RSU1: variants seen among roughly 807,000 people sequenced by gnomAD.
RSU1 encodes rsu-1.
A neutral mutation model predicts 31.1 loss-of-function variants in RSU1; 26 were observed. The observed-to-expected ratio is 0.84, with a 90% CI of 0.61 to 1.16. RSU1 has a LOEUF of 1.16. Ranked by LOEUF, RSU1 falls within the 50% of genes most tolerant of loss-of-function variation. The probability of loss-of-function intolerance (pLI) is 0.00; values close to 1 mark genes in which losing one functional copy is unlikely to be tolerated. For missense variants in RSU1, 320 were observed against 339.1 expected, an observed-to-expected ratio of 0.94 and a Z score of 0.44; for synonymous variants, 164 against 136.3, an observed-to-expected ratio of 1.20 and a Z score of -1.41.
At chr10:16,702,637 C>G (rs1351379140) in intron 7 of RSU1, among the ~76,000 whole-genome samples, 1 of 152,182 alleles carries the variant, frequency 6.6e-6, no homozygotes, top group Non-Finnish European at 1.5e-5. Flanking sequence ...CCTACTGGAA[C>G]AGGAGTATTT....
At chr10:16,720,204 G>C (rs1459442407) in intron 7 of RSU1, among the ~76,000 whole-genome samples, 2 of 152,170 alleles carry the variant, frequency 1.3e-5, no homozygotes, top group African/African-American at 4.8e-5. Context: ...AATAAATCTT[G>C]ATGTTCTTTG....
intron 8 of RSU1, among the ~76,000 whole-genome samples, chr10:16,694,477 C>A (rs4748311): frequency 0.3 from 45,363 of 152,024 alleles, 7,003 homozygotes; most frequent in East Asian, 0.43. Flanking sequence ...TAATTTAATA[C>A]CTCAAAAATT....
chr10:16,605,138 G>C (rs1332501944), intron 8 of RSU1, among the ~76,000 whole-genome samples: 1 of 152,058 alleles, frequency 6.6e-6, no homozygotes, highest in East Asian at 1.9e-4. Context: ...CTCCCTCTTA[G>C]GCCTTGTGTT....
chr10:16,695,163 G>C lies in RSU1; in HGVS notation c.599-8C>G, dbSNP rs769882245. Reference sequence around the variant, plus strand: ...CAGTTAAATCCAAGTTTCCTGGGGGGGGGGAAAAAAAAAGTGAAGGTCACT... The same window carrying C: ...CAGTTAAATCCAAGTTTCCTGGGGGCGGGGAAAAAAAAAGTGAAGGTCACT... On this transcript the variant is annotated splice_region_variant and splice_polypyrimidine_tract_variant and intron_variant, in intron 7 of 8. Transcript: ENST00000345264. 1.2e-5 allele frequency: 17 copies of C among 1,472,868 alleles called. 1 individual carries two copies. The highest frequency in any genetic ancestry group is 1.6e-5 in the African/African-American group (1 of 61,618). 91.2% of individuals were successfully genotyped at this position (1,472,868 alleles called of 1,614,324 possible).
At chr10:16,654,708 G>A (rs1029161404) in intron 8 of RSU1, among the ~76,000 whole-genome samples, 4 of 150,906 alleles carry the variant, frequency 2.7e-5, no homozygotes, top group African/African-American at 9.8e-5. Flanking sequence ...AAATGATTTA[G>A]TGTGAATTTA....
intron 3 of RSU1, among the ~76,000 whole-genome samples, chr10:16,777,752 G>T (rs920824908): frequency 2.0e-5 from 3 of 152,182 alleles, no homozygotes; most frequent in Admixed American, 6.5e-5. Flanking sequence ...TTGGATTAAG[G>T]AGCAGACTAA....
chr10:16,652,170 A>G (rs983115199), intron 8 of RSU1, among the ~76,000 whole-genome samples: 6 of 152,198 alleles, frequency 3.9e-5, no homozygotes, highest in African/African-American at 1.4e-4. Context: ...GCTAAACTGT[A>G]AAATAGATTG....
chr10:16,770,843 G>A (rs1366748673), intron 3 of RSU1, among the ~76,000 whole-genome samples: 3 of 151,534 alleles, frequency 2.0e-5, no homozygotes, highest in Non-Finnish European at 2.9e-5. Flanking sequence ...TTTCCAGGAA[G>A]CAAAAGTGCC....
At chr10:16,619,981 A>G (rs1472115302) in intron 8 of RSU1, among the ~76,000 whole-genome samples, 1 of 152,190 alleles carries the variant, frequency 6.6e-6, no homozygotes, top group Non-Finnish European at 1.5e-5. Context: ...ACATTTATAT[A>G]AAAATTATGA....
intron 2 of RSU1, among the ~76,000 whole-genome samples, chr10:16,788,022 T>G (rs1350759373): frequency 6.6e-6 from 1 of 152,106 alleles, no homozygotes. Context: ...TTTTTATTTC[T>G]TTGAGTTCAG....
At chr10:16,683,895 T>C (rs1835386234) in intron 8 of RSU1, among the ~76,000 whole-genome samples, 1 of 152,242 alleles carries the variant, frequency 6.6e-6, no homozygotes, top group Non-Finnish European at 1.5e-5. Flanking sequence ...TTCTAGGCTT[T>C]AGGTAAATTT....
intron 8 of RSU1, among the ~76,000 whole-genome samples, chr10:16,642,337 G>A (rs1019358504): frequency 5.3e-5 from 8 of 152,302 alleles, no homozygotes; most frequent in African/African-American, 1.4e-4. Flanking sequence ...GCTGCTCTGC[G>A]GAGACCCACA....
At chr10:16,620,923 A>G (rs1223083209) in intron 8 of RSU1, among the ~76,000 whole-genome samples, 1 of 152,182 alleles carries the variant, frequency 6.6e-6, no homozygotes, top group African/African-American at 2.4e-5. Context: ...TCCATTTTGA[A>G]CAACAATGCA....
At chr10:16,627,762 CAAAAAA>C (rs74962434) in intron 8 of RSU1, among the ~76,000 whole-genome samples, 1 of 67,556 alleles carries the variant, frequency 1.5e-5, no homozygotes, top group Non-Finnish European at 3.3e-5. Context: ...CATCTCAATA[CAAAAAA>C]AAAAAAAAAA....
At chr10:16,649,880 C>T (rs980985690) in intron 8 of RSU1, among the ~76,000 whole-genome samples, 2 of 152,176 alleles carry the variant, frequency 1.3e-5, no homozygotes, top group Non-Finnish European at 2.9e-5. Context: ...CAATTTATCA[C>T]TGTGAAAAAC....
At chr10:16,760,860 G>A (rs551454038) in intron 4 of RSU1, among the ~76,000 whole-genome samples, 185 of 152,092 alleles carry the variant, frequency 1.2e-3, no homozygotes, top group African/African-American at 4.4e-3. Context: ...TCTTTCATAC[G>A]GAAATATGAC....
At position 16,688,637 on chromosome 10, in the gene RSU1, A is replaced by G. The variant is rs77684226; in HGVS notation, c.731+6386T>C. On this transcript the variant is annotated intron_variant, in intron 8 of 8. Coordinates refer to ENST00000345264, the MANE Select transcript of RSU1 (RefSeq NM_012425.4). ...AAAAGAAAAAATAATACAAATATGTACCATTTATGAAGAAAATATATATCA... is the reference window on the plus strand; with the variant it reads ...AAAAGAAAAAATAATACAAATATGTGCCATTTATGAAGAAAATATATATCA... Among the ~76,000 whole-genome samples, 776 of 152,300 alleles carry G rather than the reference A, an allele frequency of 5.1e-3. 8 individuals are homozygous for G. Among genetic ancestry groups the G allele is most frequent in the African/African-American group, 0.018 (749 of 41,572 alleles).
At position 16,591,240 on chromosome 10, in the gene RSU1, A is replaced by C. The variant is rs189127397; in HGVS notation, c.*2154T>G. On this transcript the variant is annotated 3_prime_UTR_variant, in exon 9 of 9. Coordinates refer to ENST00000345264, the MANE Select transcript of RSU1 (RefSeq NM_012425.4). ...GTTCAACAATTTTTAATGTCATAAA[A>C]GCCTCATGCAGACACACCGTAATTC... 1.2e-4 allele frequency: 18 copies of C among 152,254 alleles called. No individual in the cohort carries two copies. Among genetic ancestry groups the C allele is most frequent in the African/African-American group, 4.3e-4 (18 of 41,552 alleles). 9.4% of individuals were successfully genotyped at this position (152,254 alleles called of 1,614,324 possible).
intron 8 of RSU1, among the ~76,000 whole-genome samples, chr10:16,607,136 G>A (rs1833819071): frequency 6.6e-6 from 1 of 152,188 alleles, no homozygotes; most frequent in Non-Finnish European, 1.5e-5. Context: ...GTTCTCGCGA[G>A]ATCTGGTTGT....
Sources: gnomAD v4.1 joint callset for allele counts (sites outside exome capture counted in the v4.1 genomes callset) on GRCh38, gnomAD v4.1.1 for gene constraint, MANE v1.5 for transcripts, NCBI Gene and HGNC (gene_info 2026-07-23, HGNC 2026-07-21) for gene names.